Variants in MSTN observed in about 807,000 individuals in gnomAD.
MSTN encodes the protein myostatin.
Under a neutral mutation model 32.3 loss-of-function variants are expected in MSTN, and 12 were observed. The ratio of observed to expected loss-of-function variants is 0.37; its 90% CI spans 0.24 to 0.60. The LOEUF (loss-of-function observed/expected upper bound fraction) is 0.60. Ranked by LOEUF, MSTN falls within the 20% of genes least tolerant of loss-of-function variation. The probability of loss-of-function intolerance (pLI) is 0.67; values close to 1 mark genes in which losing one functional copy is unlikely to be tolerated. For synonymous variants in MSTN, 168 were observed against 155.1 expected, an observed-to-expected ratio of 1.08 and a Z score of -0.62; for missense variants, 403 against 450.3, an observed-to-expected ratio of 0.89 and a Z score of 0.95.
chr2:190,057,346 G>A lies in MSTN; in HGVS notation c.1040C>T (p.Pro347Leu). Residue 347 changes from proline to leucine, a missense_variant, in exon 3 of 3, where the codon CCA (proline) becomes CTA (leucine). Physicochemically the swap from Pro to Leu is moderately conservative, Grantham distance 98 (BLOSUM62 -3). Coordinates refer to ENST00000260950, the MANE Select transcript of MSTN (RefSeq NM_005259.3). ...GCCATTAAAATATAGCATATTAATT[G>A]GAGACATCTTTGTGGGAGTACAGCA... ...GPCCTPTKMS[P>L]INMLYFNGKE... is the part of the protein sequence containing the mutation. 1 of 1,613,500 alleles carries A rather than the reference G, an allele frequency of 6.2e-7. No individual in the cohort carries two copies. Among genetic ancestry groups the A allele is most frequent in the Middle Eastern group, 1.7e-4 (1 of 6,060 alleles).
chr2:190,055,928 G>T lies in MSTN; in HGVS notation c.*1330C>A, dbSNP rs1241449871. ...AGTTTATTCTTCATTTCAGATAATA[G>T]AGTCAATTATTTTGGTATACTTAGT... On this transcript the variant is annotated 3_prime_UTR_variant, in exon 3 of 3. Coordinates refer to ENST00000260950, the MANE Select transcript of MSTN (RefSeq NM_005259.3). The T allele has an allele frequency of 2.0e-5, 3 of 152,370 alleles. No homozygotes were observed. The highest frequency in any genetic ancestry group is 7.2e-5 in the African/African-American group (3 of 41,404). The allele number at this position is 152,370 out of a possible 1,614,324, so 9.4% of individuals were successfully genotyped here.
At chr2:190,061,943 G>T (rs1381493674) in intron 1 of MSTN, among the ~76,000 whole-genome samples, 1 of 151,790 alleles carries the variant, frequency 6.6e-6, no homozygotes, top group Non-Finnish European at 1.5e-5. Context: ...TGGTATTATT[G>T]TGAAAGCATA....
At chr2:190,057,706 G>A in intron 2 of MSTN, 68 bp from the exon 3 acceptor site, 1 of 1,535,228 alleles carries the variant, frequency 6.5e-7, no homozygotes, top group South Asian at 1.1e-5. Context: ...CCTACCTTAA[G>A]AAGTTATTGT....
chr2:190,061,369 C>CA (rs2105754080), intron 1 of MSTN, among the ~76,000 whole-genome samples: 1 of 152,052 alleles, frequency 6.6e-6, no homozygotes, highest in East Asian at 1.9e-4. Flanking sequence ...GAGCTGACTG[C>CA]AAAAGGAATT....
chr2:190,061,064 G>A (rs186757958), intron 1 of MSTN, among the ~76,000 whole-genome samples: 15 of 152,148 alleles, frequency 9.9e-5, no homozygotes, highest in Admixed American at 9.2e-4. Context: ...TTAGGGCCAG[G>A]CTGTCATGTA....
intron 2 of MSTN, among the ~76,000 whole-genome samples, chr2:190,057,928 C>T (rs1383182542): frequency 6.6e-6 from 1 of 151,638 alleles, no homozygotes; most frequent in Non-Finnish European, 1.5e-5. Flanking sequence ...AATGGATGTC[C>T]TGAAAATATT....
At chr2:190,061,255 T>C (rs1685585331) in intron 1 of MSTN, among the ~76,000 whole-genome samples, 1 of 152,062 alleles carries the variant, frequency 6.6e-6, no homozygotes. Flanking sequence ...TTAAAGTATA[T>C]AAAGCATTGT....
chr2:190,061,886 T>C lies in MSTN; in HGVS notation c.373+338A>G, dbSNP rs191871755. On this transcript the variant is annotated intron_variant, in intron 1 of 2. Transcript: ENST00000260950. Reference sequence around the variant, plus strand: ...AACTAAATACAATTCTAAAATCTAATGTAAGTTTTAAACACTGCTTGTAGT... The same window carrying C: ...AACTAAATACAATTCTAAAATCTAACGTAAGTTTTAAACACTGCTTGTAGT... Among the ~76,000 whole-genome samples the C allele has an allele frequency of 1.8e-4, 27 of 152,082 alleles. No individual in the cohort carries two copies. The East Asian group carries it at 5.2e-3, about 29-fold the overall frequency.
At chr2:190,058,227 A>C (rs1280803636) in intron 2 of MSTN, among the ~76,000 whole-genome samples, 1 of 152,008 alleles carries the variant, frequency 6.6e-6, no homozygotes, top group African/African-American at 2.4e-5. Context: ...GTATTTAAAA[A>C]TTTGTTGATT....
In MSTN at chr2:190,062,511, T is replaced by G; in HGVS notation, c.86A>C (p.Gln29Pro). 1.9e-6 allele frequency: 3 copies of G among 1,613,558 alleles called. No homozygotes were observed. The South Asian group carries it at 3.3e-5, about 18-fold the overall frequency. ...CCCCTCTTTTTCCACATTTTCTTTT[T>G]GCTCACTGTTCTCATTTAGATCCAC... is the stretch of plus-strand genomic sequence containing the variant. ...GPVDLNENSE[Q>P]KENVEKEGLC... The change falls in exon 1 of 3, where the codon CAA becomes CCA. Residue 29 changes from glutamine (Q) to proline (P), a missense_variant. By Grantham distance (76) the Gln-to-Pro change is moderately conservative. Transcript: ENST00000260950.
At chr2:190,062,172 A>G in intron 1 of MSTN, 52 bp downstream of exon 1, 2 of 1,598,978 alleles carry the variant, frequency 1.3e-6, no homozygotes, top group Non-Finnish European at 1.7e-6. Context: ...TCTCATAAAC[A>G]CTAGAACAAC....
intron 2 of MSTN, 93 bp downstream of exon 2, chr2:190,059,958 AGCTTATGAGCT>A: frequency 8.1e-7 from 1 of 1,241,920 alleles, no homozygotes; most frequent in East Asian, 2.5e-5. Context: ...ACCTTTGTCT[AGCTTATGAGCT>A]TAGGGAATTT....
Position 190,060,296 on chromosome 2 carries a change from C to T in MSTN, c.513G>A (p.Val171=), listed in dbSNP as rs1685556708. 6.2e-7 allele frequency: 1 copy of T among 1,613,100 alleles called. No homozygotes were observed. The highest frequency in any genetic ancestry group is 8.5e-7 in the Non-Finnish European group (1 of 1,179,304). ...TAGGTTTGATGAGTCTCAGGATTTG[C>T]ACAAACACTGTTGTAGGAGTCTCGA... The part of the protein sequence containing the change: ...RPVETPTTVF[V]QILRLIKPMK... Residue 171 remains valine (V), a synonymous_variant, in exon 2 of 3, where the codon GTG becomes GTA. Coordinates refer to ENST00000260950, the MANE Select transcript of MSTN (RefSeq NM_005259.3).
In MSTN at chr2:190,060,079, G is replaced by A. The variant is rs770535740; in HGVS notation, c.730C>T (p.Pro244Ser). Residue 244 changes from proline (P) to serine (S), a missense_variant, in exon 2 of 3, where the codon CCA becomes TCA. Coordinates refer to ENST00000260950, the MANE Select transcript of MSTN (RefSeq NM_005259.3). The stretch of plus-strand genomic sequence containing the variant: ...TCACTTACCAGCCCATCTTCTCCTG[G>A]TCCTGGGAAGGTTACAGCAAGATCA... ...GHDLAVTFPG[P>S]GEDGLNPFLE... 2.5e-6 allele frequency: 4 copies of A among 1,612,088 alleles called. No homozygotes were observed. The highest frequency in any genetic ancestry group is 1.3e-5 in the African/African-American group (1 of 74,812).
At chr2:190,061,153 G>A (rs1306899869) in intron 1 of MSTN, among the ~76,000 whole-genome samples, 1 of 151,978 alleles carries the variant, frequency 6.6e-6, no homozygotes, top group Non-Finnish European at 1.5e-5. Context: ...AGACCTATTT[G>A]ATAGCAGAGT....
At chr2:190,062,095 ACT>A in intron 1 of MSTN, 127 bp downstream of exon 1, 1 of 945,840 alleles carries the variant, frequency 1.1e-6, no homozygotes, top group East Asian at 2.5e-5. Context: ...AAAAAGAGAA[ACT>A]CTTTTCCTTT....
Position 190,062,438 on chromosome 2 carries a change from T to C in MSTN, c.159A>G (p.Ile53Met). Reference sequence around the variant, plus strand: ...TGAGGATTTGTATCTTAATGGCTTCTATTCTTGAAGATTTAGTGTTTTGTC... The same window carrying C: ...TGAGGATTTGTATCTTAATGGCTTCCATTCTTGAAGATTTAGTGTTTTGTC... ...TWRQNTKSSR[I>M]EAIKIQILSK... The change falls in exon 1 of 3, where the codon ATA (isoleucine) becomes ATG (methionine). Residue 53 changes from isoleucine to methionine, a missense_variant. Coordinates refer to ENST00000260950, the MANE Select transcript of MSTN (RefSeq NM_005259.3). 2 of 1,613,520 alleles carry C rather than the reference T, an allele frequency of 1.2e-6. No individual in the cohort carries two copies. The highest frequency in any genetic ancestry group is 1.7e-6 in the Non-Finnish European group (2 of 1,179,590).
intron 2 of MSTN, among the ~76,000 whole-genome samples, chr2:190,059,135 A>G (rs1323059395): frequency 2.0e-5 from 3 of 151,934 alleles, no homozygotes; most frequent in African/African-American, 7.2e-5. Flanking sequence ...AGATCATTGA[A>G]TGATTACAAA....
At position 190,056,968 on chromosome 2, in the gene MSTN, G is replaced by A. The variant is rs537956645; in HGVS notation, c.*290C>T. The A allele has an allele frequency of 7.5e-4, 251 of 334,900 alleles. 3 individuals carry two copies. Among genetic ancestry groups the A allele is most frequent in the African/African-American group, 1.9e-3 (92 of 47,468 alleles). 20.7% of individuals were successfully genotyped at this position (334,900 alleles called of 1,614,324 possible). On this transcript the variant is annotated 3_prime_UTR_variant, in exon 3 of 3. Coordinates refer to ENST00000260950, the MANE Select transcript of MSTN (RefSeq NM_005259.3). ...AATTCATCAGAACTCAAGGAGAATC[G>A]CTTTCATTTCCTCGCCGATGTTGTA... is the stretch of plus-strand genomic sequence containing the variant.
Sources: gnomAD v4.1 joint callset for allele counts (sites outside exome capture counted in the v4.1 genomes callset) on GRCh38, gnomAD v4.1.1 for gene constraint, MANE v1.5 for transcripts, NCBI Gene and HGNC (gene_info 2026-07-23, HGNC 2026-07-21) for gene names.